LGSN: variants seen among roughly 807,000 people sequenced by gnomAD.
LGSN encodes the protein lengsin.
In LGSN, 21 loss-of-function variants were observed where a neutral mutation model predicts 19.5. The ratio of observed to expected loss-of-function variants is 1.07; its 90% CI spans 0.76 to 1.55. The LOEUF (loss-of-function observed/expected upper bound fraction) is 1.55. Ranked by LOEUF, LGSN falls within the 40% of genes most tolerant of loss-of-function variation. The pLI, the probability that LGSN is intolerant of heterozygous loss-of-function variation, is 0.00. For synonymous variants in LGSN, 257 were observed against 215.6 expected, an observed-to-expected ratio of 1.19 and a Z score of -1.68; for missense variants, 673 against 608.5, an observed-to-expected ratio of 1.11 and a Z score of -1.12.
chr6:63,336,222 G>A, the LGSN span, among the ~76,000 whole-genome samples: 1 of 152,116 alleles, frequency 6.6e-6, no homozygotes, highest in Non-Finnish European at 1.5e-5. Context: ...TTTTTTTAAA[G>A]AGCTAGAAGA....
the LGSN span, among the ~76,000 whole-genome samples, chr6:63,569,949 G>A: frequency 1.3e-5 from 2 of 152,194 alleles, no homozygotes; most frequent in South Asian, 2.1e-4. Context: ...TGTTCTCCAA[G>A]AATCTGCAGC....
At chr6:63,514,933 G>A in the LGSN span, among the ~76,000 whole-genome samples, 1 of 151,830 alleles carries the variant, frequency 6.6e-6, no homozygotes, top group Non-Finnish European at 1.5e-5. Flanking sequence ...CAAACTCCTG[G>A]ATGAAAGGGT....
At chr6:63,327,741 ATC>A in the LGSN span, among the ~76,000 whole-genome samples, 1 of 151,982 alleles carries the variant, frequency 6.6e-6, no homozygotes. Context: ...TACTACTTCC[ATC>A]TCTCTTTCTT....
the LGSN span, among the ~76,000 whole-genome samples, chr6:63,472,769 T>C: frequency 6.6e-6 from 1 of 151,636 alleles, no homozygotes; most frequent in African/African-American, 2.4e-5. Flanking sequence ...TGAAACCCTG[T>C]CTCTACTAAA....
chr6:63,301,338 C>A (rs905787272), intron 1 of LGSN, among the ~76,000 whole-genome samples: 6 of 151,724 alleles, frequency 4.0e-5, no homozygotes, highest in Non-Finnish European at 7.4e-5. Context: ...GTAAAGTGTA[C>A]AAGAAAAGCA....
At chr6:63,377,913 C>CAAAAAAAAAAAAAAAA in the LGSN span, among the ~76,000 whole-genome samples, 1 of 54,348 alleles carries the variant, frequency 1.8e-5, no homozygotes, top group Non-Finnish European at 3.9e-5. Context: ...GACTCCATCT[C>CAAAAAAAAAAAAAAAA]AAAAAAAAAA....
chr6:63,285,170 A>G (rs1767476522), intron 3 of LGSN, among the ~76,000 whole-genome samples: 1 of 152,170 alleles, frequency 6.6e-6, no homozygotes, highest in African/African-American at 2.4e-5. Flanking sequence ...AAAGGAATAC[A>G]TTTTTTATCT....
chr6:63,433,293 A>G, the LGSN span, among the ~76,000 whole-genome samples: 1 of 152,328 alleles, frequency 6.6e-6, no homozygotes, highest in Admixed American at 6.5e-5. Context: ...GCAACAGACA[A>G]TATCTTAAGG....
At chr6:63,295,300 G>A (rs575685454) in intron 1 of LGSN, among the ~76,000 whole-genome samples, 14 of 152,150 alleles carry the variant, frequency 9.2e-5, no homozygotes, top group South Asian at 6.2e-4. Flanking sequence ...AATTAAAATC[G>A]TGTCTAATTA....
At chr6:63,547,962 T>C in the LGSN span, among the ~76,000 whole-genome samples, 1 of 152,222 alleles carries the variant, frequency 6.6e-6, no homozygotes, top group Non-Finnish European at 1.5e-5. Context: ...TCTCACCATT[T>C]CATATTCCCT....
At chr6:63,317,009 C>A (rs947992933) in intron 1 of LGSN, among the ~76,000 whole-genome samples, 3 of 151,968 alleles carry the variant, frequency 2.0e-5, no homozygotes, top group Non-Finnish European at 4.4e-5. Context: ...TTAGGAAAGC[C>A]TTAATAGGCT....
chr6:63,458,319 G>A, the LGSN span, among the ~76,000 whole-genome samples: 12 of 152,188 alleles, frequency 7.9e-5, no homozygotes, highest in South Asian at 8.3e-4. Flanking sequence ...CACCCACCTC[G>A]GCCTCCCAAA....
At chr6:63,322,849 A>G (rs1018675219), upstream of LGSN, among the ~76,000 whole-genome samples, 4 of 152,204 alleles carry the variant, frequency 2.6e-5, no homozygotes, top group African/African-American at 9.6e-5. Context: ...GAGCGGAAAC[A>G]CACATTGGCA....
the LGSN span, among the ~76,000 whole-genome samples, chr6:63,542,279 G>A: frequency 6.6e-6 from 1 of 151,962 alleles, no homozygotes; most frequent in African/African-American, 2.4e-5. Context: ...AGGGGGAAAG[G>A]GTGGGAAGAG....
chr6:63,534,140 G>T, the LGSN span, among the ~76,000 whole-genome samples: 40 of 152,130 alleles, frequency 2.6e-4, no homozygotes, highest in African/African-American at 9.6e-4. Flanking sequence ...ACAGTGCCCA[G>T]CCGAACAAAC....
the LGSN span, among the ~76,000 whole-genome samples, chr6:63,467,635 C>G: frequency 2.6e-5 from 4 of 152,202 alleles, no homozygotes; most frequent in Admixed American, 2.6e-4. Context: ...CTTATAAGGA[C>G]AGCAGGATAC....
At chr6:63,446,553 GA>G in the LGSN span, among the ~76,000 whole-genome samples, 1 of 152,132 alleles carries the variant, frequency 6.6e-6, no homozygotes, top group African/African-American at 2.4e-5. Context: ...GAACAGCAAC[GA>G]GCACATAGTA....
the LGSN span, chr6:63,572,863 G>A: frequency 2.5e-6 from 1 of 393,044 alleles, no homozygotes; most frequent in East Asian, 3.6e-5. Flanking sequence ...GGGAGCGGGC[G>A]GGTTATGGCC....
chr6:63,457,765 G>A, the LGSN span, among the ~76,000 whole-genome samples: 1 of 151,828 alleles, frequency 6.6e-6, no homozygotes, highest in Non-Finnish European at 1.5e-5. Context: ...TGTAATCCCA[G>A]TTACTCAGGA....
Sources: gnomAD v4.1 joint callset for allele counts (sites outside exome capture counted in the v4.1 genomes callset) on GRCh38, gnomAD v4.1.1 for gene constraint, MANE v1.5 for transcripts, NCBI Gene and HGNC (gene_info 2026-07-23, HGNC 2026-07-21) for gene names.